Variants in DCHS2 observed in about 807,000 individuals in gnomAD.
The protein encoded by DCHS2 is protocadherin-23.
In DCHS2, 142 loss-of-function variants were observed where a neutral mutation model predicts 182.4. The ratio of observed to expected loss-of-function variants is 0.78; its 90% CI spans 0.68 to 0.89. DCHS2 has a LOEUF of 0.89. Among genes scored for constraint, DCHS2 ranks in the 40% least tolerant of loss-of-function variants. The pLI, the probability that DCHS2 is intolerant of heterozygous loss-of-function variation, is 0.00. For synonymous variants in DCHS2, 1,740 were observed against 1,663.3 expected, an observed-to-expected ratio of 1.05 and a Z score of -1.12; for missense variants, 4,319 against 4,198.6, an observed-to-expected ratio of 1.03 and a Z score of -0.79.
chr4:154,332,191 T>C (rs1439414342), intron 5 of DCHS2, among the ~76,000 whole-genome samples: 2 of 152,212 alleles, frequency 1.3e-5, no homozygotes, highest in Admixed American at 6.5e-5. Flanking sequence ...AAAAGAACCA[T>C]ATATTGGCAA....
At chr4:154,345,506 C>T (rs1049553144) in intron 3 of DCHS2, among the ~76,000 whole-genome samples, 1 of 152,178 alleles carries the variant, frequency 6.6e-6, no homozygotes, top group Non-Finnish European at 1.5e-5. Flanking sequence ...TCAAGGTTCT[C>T]CAAGCAAATA....
At chr4:154,460,543 C>A (rs1187918446) in intron 1 of DCHS2, among the ~76,000 whole-genome samples, 1 of 152,116 alleles carries the variant, frequency 6.6e-6, no homozygotes, top group Non-Finnish European at 1.5e-5. Flanking sequence ...GAACTTTGAA[C>A]TTTAGCAATG....
At chr4:154,401,926 G>A (rs1302971103) in intron 1 of DCHS2, among the ~76,000 whole-genome samples, 1 of 152,170 alleles carries the variant, frequency 6.6e-6, no homozygotes, top group African/African-American at 2.4e-5. Context: ...CCCAGGAGGT[G>A]GAGGTTGCAG....
rs115588787 is a variant in DCHS2, at chr4:154,303,600, A to T, written c.5605+1069T>A. Reference sequence around the variant, plus strand: ...CTGATGTGTCATTTTGGACACACTGATAATGCAATGCTGTTGGATATAAAG... The same window carrying T: ...CTGATGTGTCATTTTGGACACACTGTTAATGCAATGCTGTTGGATATAAAG... On this transcript the variant is annotated intron_variant, in intron 12 of 19. Coordinates refer to ENST00000357232, the MANE Select transcript of DCHS2 (RefSeq NM_001358235.2). Among the ~76,000 whole-genome samples the T allele has an allele frequency of 5.8e-3, 887 of 151,916 alleles. 9 individuals carry two copies. The highest frequency in any genetic ancestry group is 0.021 in the African/African-American group (863 of 41,412).
chr4:154,483,818 C>A (rs1736014365), intron 1 of DCHS2, among the ~76,000 whole-genome samples: 1 of 152,154 alleles, frequency 6.6e-6, no homozygotes, highest in African/African-American at 2.4e-5. Context: ...ATATGAGTCG[C>A]AAGACCCTCG....
intron 1 of DCHS2, among the ~76,000 whole-genome samples, chr4:154,403,728 T>G (rs916021120): frequency 2.0e-5 from 3 of 152,306 alleles, no homozygotes; most frequent in East Asian, 3.9e-4. Flanking sequence ...AGTAAACTAT[T>G]TGGGCCTGGT....
At chr4:154,318,780 TG>T (rs1355819883) in intron 9 of DCHS2, among the ~76,000 whole-genome samples, 3 of 152,148 alleles carry the variant, frequency 2.0e-5, no homozygotes, top group Non-Finnish European at 4.4e-5. Context: ...CTACCCAAAC[TG>T]ATCTACAGAT....
chr4:154,394,047 T>C (rs554081640), intron 1 of DCHS2, among the ~76,000 whole-genome samples: 1 of 152,268 alleles, frequency 6.6e-6, no homozygotes, highest in African/African-American at 2.4e-5. Flanking sequence ...ACACATCCAT[T>C]GGATAGATTC....
intron 7 of DCHS2, chr4:154,322,831 A>G: frequency 4.0e-6 from 1 of 250,118 alleles, no homozygotes; most frequent in African/African-American, 2.2e-5. Context: ...CAGAAGTCAT[A>G]TTATTTCTTC....
chr4:154,242,497 G>C, intron 17 of DCHS2, 145 bp downstream of exon 17: 2 of 1,226,808 alleles, frequency 1.6e-6, no homozygotes, highest in East Asian at 5.8e-5. Flanking sequence ...CCATTTTTTT[G>C]TTCTGCAAAA....
chr4:154,385,935 T>A (rs773011955), intron 1 of DCHS2, among the ~76,000 whole-genome samples: 1 of 152,036 alleles, frequency 6.6e-6, no homozygotes, highest in Non-Finnish European at 1.5e-5. Context: ...TAAATCTCCA[T>A]CTGGGCTCCA....
At chr4:154,286,304 C>T (rs532975517) in intron 13 of DCHS2, among the ~76,000 whole-genome samples, 1 of 152,192 alleles carries the variant, frequency 6.6e-6, no homozygotes, top group African/African-American at 2.4e-5. Context: ...CACTGAAGAA[C>T]ATCCATAAGC....
chr4:154,401,977 G>T (rs913452040), intron 1 of DCHS2, among the ~76,000 whole-genome samples: 1 of 152,262 alleles, frequency 6.6e-6, no homozygotes, highest in East Asian at 1.9e-4. Context: ...CTGGGCAACT[G>T]AAAAGAAAAA....
Position 154,357,213 on chromosome 4 carries a change from C to T in DCHS2, c.2476+8997G>A, listed in dbSNP as rs747309624. On this transcript the variant is annotated intron_variant, in intron 3 of 19. Transcript: ENST00000357232. ...TCTGGCTTTTTTGGAGAAGGCTAAC[C>T]TCTACTTGAAGTGCCTTAGCAGAGG... is the stretch of plus-strand genomic sequence containing the variant. 8.8e-6 allele frequency: 14 copies of T among 1,589,476 alleles called. No individual in the cohort carries two copies. The East Asian group carries it at 3.1e-4, about 36-fold the overall frequency.
At chr4:154,279,124 G>A (rs1234382429) in intron 13 of DCHS2, among the ~76,000 whole-genome samples, 2 of 152,034 alleles carry the variant, frequency 1.3e-5, no homozygotes, top group East Asian at 3.8e-4. Context: ...GGATGTAAAG[G>A]AGCAGAGTCT....
At position 154,236,795 on chromosome 4, in the gene DCHS2, CA is replaced by C; in HGVS notation, c.7856del (p.Leu2619CysfsTer27). 6.2e-7 allele frequency: 1 copy of C among 1,613,986 alleles called. No homozygotes were observed. The highest frequency in any genetic ancestry group is 2.2e-5 in the East Asian group (1 of 44,840). ...TTGCTTCTCTGTCCAGACTGTGAAG[CA>C]ACACAAGATAACCGACTTGCTTATA... ...YPYKQVGYLV[L>X]LHSLDREASA... On this transcript the variant is annotated frameshift_variant, in exon 20 of 20. Transcript: ENST00000357232. LOFTEE classifies it low-confidence loss of function (END_TRUNC).
At chr4:154,269,230 G>T (rs1026630612) in intron 14 of DCHS2, 2 of 152,164 alleles carry the variant, frequency 1.3e-5, no homozygotes, top group Non-Finnish European at 2.9e-5. Context: ...ATTCTTCCCA[G>T]GTGCATGTAG....
In DCHS2 at chr4:154,328,119, G is replaced by T. The variant is rs1405250229; in HGVS notation, c.3992C>A (p.Ala1331Glu). ...FAKDPDEGNN[A>E]EVTYSVSSED... ...TGAAGATACTGAGTATGTAACTTCT[G>T]CATTATTTCCTTCATCAGGATCCTT... Residue 1331 changes from alanine to glutamate, a missense_variant, in exon 7 of 20, where the codon GCA (alanine) becomes GAA (glutamate). Coordinates refer to ENST00000357232, the MANE Select transcript of DCHS2 (RefSeq NM_001358235.2). The T allele has an allele frequency of 1.2e-6, 2 of 1,607,944 alleles. No homozygotes were observed. The highest frequency in any genetic ancestry group is 8.5e-7 in the Non-Finnish European group (1 of 1,177,236).
intron 15 of DCHS2, 63 bp from the exon 16 acceptor site, chr4:154,255,733 T>A: frequency 6.7e-7 from 1 of 1,498,842 alleles, no homozygotes; most frequent in South Asian, 1.4e-5. Flanking sequence ...CAGTCTGTTT[T>A]TCAGAGACAT....
Sources: allele counts gnomAD v4.1 joint callset (sites outside exome capture counted in the v4.1 genomes callset), GRCh38; gene constraint gnomAD v4.1.1; transcripts MANE v1.5; gene names NCBI Gene and HGNC (gene_info 2026-07-23, HGNC 2026-07-21).